Variants in MSH4 observed in about 807,000 individuals in gnomAD.
MSH4 encodes the protein mutS protein homolog 4.
MSH4 carries 106 observed loss-of-function variants against 113.7 expected under a neutral mutation model. The observed-to-expected ratio is 0.93, with a 90% CI of 0.80 to 1.10. MSH4 has a LOEUF of 1.10. Ranked by LOEUF, MSH4 falls within the 50% of genes least tolerant of loss-of-function variation. MSH4 has a pLI of 0.00. For synonymous variants in MSH4, 368 were observed against 380.2 expected, an observed-to-expected ratio of 0.97 and a Z score of 0.37; for missense variants, 1,061 against 1,093.7, an observed-to-expected ratio of 0.97 and a Z score of 0.42.
chr1:75,909,282 T>C (rs1161461046), intron 19 of MSH4, among the ~76,000 whole-genome samples: 1 of 152,102 alleles, frequency 6.6e-6, no homozygotes, highest in Non-Finnish European at 1.5e-5. Flanking sequence ...TAGAGAACTT[T>C]CTTTCTTTTT....
Position 75,879,010 on chromosome 1 carries a change from G to A in MSH4, c.1559G>A (p.Gly520Glu), listed in dbSNP as rs1319951871. ...TCACCAGGAATGATATCACAACTTGGAGAAAAATATAGTCTACCTTTAAGG... is the reference window on the plus strand; with the variant it reads ...TCACCAGGAATGATATCACAACTTGAAGAAAAATATAGTCTACCTTTAAGG... ...DDIAGMISQL[G>E]EKYSLPLRTS... Residue 520 changes from glycine to glutamate, a missense_variant, in exon 12 of 20, where the codon GGA (glycine) becomes GAA (glutamate). Transcript: ENST00000263187. 1 of 1,608,686 alleles carries A rather than the reference G, an allele frequency of 6.2e-7. No individual in the cohort carries two copies. The highest frequency in any genetic ancestry group is 2.2e-5 in the East Asian group (1 of 44,762).
At chr1:75,850,478 T>C (rs1011250210) in intron 8 of MSH4, among the ~76,000 whole-genome samples, 3 of 152,156 alleles carry the variant, frequency 2.0e-5, no homozygotes, top group Non-Finnish European at 2.9e-5. Flanking sequence ...TATCTTTTTG[T>C]TATTGGTTTC....
At chr1:75,813,291 A>G (rs553109264) in intron 4 of MSH4, among the ~76,000 whole-genome samples, 1 of 152,336 alleles carries the variant, frequency 6.6e-6, no homozygotes, top group South Asian at 2.1e-4. Context: ...ACAGAATACT[A>G]TGATAGCTAG....
At chr1:75,847,961 G>A (rs1384281392) in intron 7 of MSH4, among the ~76,000 whole-genome samples, 3 of 152,144 alleles carry the variant, frequency 2.0e-5, no homozygotes, top group Non-Finnish European at 4.4e-5. Flanking sequence ...GGTGGGGACA[G>A]GCAAATCATA....
chr1:75,823,269 T>C (rs1287402955), intron 7 of MSH4, among the ~76,000 whole-genome samples: 3 of 152,200 alleles, frequency 2.0e-5, no homozygotes, highest in African/African-American at 7.2e-5. Flanking sequence ...ATTAGCTTGA[T>C]TACATTTGCA....
At position 75,815,082 on chromosome 1, in the gene MSH4, T is replaced by C. The variant is rs1270863248; in HGVS notation, c.761T>C (p.Ile254Thr). Residue 254 changes from isoleucine to threonine, a missense_variant, in exon 5 of 20, where the codon ATT becomes ACT. Physicochemically the swap from Ile to Thr is moderately conservative, Grantham distance 89. Coordinates refer to ENST00000263187, the MANE Select transcript of MSH4 (RefSeq NM_002440.4). ...AATGAAACAAAAGGATTAGAGTACATTGAACAGTTATGCATAGCAGAATTC... is the reference window on the plus strand; with the variant it reads ...AATGAAACAAAAGGATTAGAGTACACTGAACAGTTATGCATAGCAGAATTC... ...YFNETKGLEYIEQLCIAEFST... is the reference protein window; with the variant it reads ...YFNETKGLEYTEQLCIAEFST... 1.9e-6 allele frequency: 3 copies of C among 1,607,814 alleles called. No homozygotes were observed. Among genetic ancestry groups the C allele is most frequent in the African/African-American group, 1.3e-5 (1 of 74,712 alleles).
chr1:75,908,061 C>A (rs1652707215), intron 19 of MSH4, among the ~76,000 whole-genome samples: 5 of 149,934 alleles, frequency 3.3e-5, no homozygotes, highest in African/African-American at 1.2e-4. Flanking sequence ...TGGAGAGCCT[C>A]TGTAGTTTTT....
chr1:75,877,018 G>T lies in MSH4; in HGVS notation c.1370+18G>T, dbSNP rs201828227. On this transcript the variant is annotated intron_variant, in intron 10 of 19. Transcript: ENST00000263187. Reference sequence around the variant, plus strand: ...GACAAGAGGTCTTTGTCACTCAACCGTTAATAAAAAATAAGATTATTCTCT... The same window carrying T: ...GACAAGAGGTCTTTGTCACTCAACCTTTAATAAAAAATAAGATTATTCTCT... 70 of 1,469,880 alleles carry T rather than the reference G, an allele frequency of 4.8e-5. 1 individual carries two copies. The South Asian group carries it at 9.3e-4, about 20-fold the overall frequency. The allele number at this position is 1,469,880 out of a possible 1,614,324, so 91.1% of individuals were successfully genotyped here.
rs1435256866 is a variant in MSH4, at chr1:75,902,707, A to G, written c.2619+3001A>G. 2.6e-3 allele frequency among the ~76,000 whole-genome samples: 115 copies of G among 44,518 alleles called. 5 individuals carry two copies. The highest frequency in any genetic ancestry group is 0.013 in the African/African-American group (109 of 8,194). 29.2% of individuals were successfully genotyped at this position (44,518 alleles called of 152,430 possible). On this transcript the variant is annotated intron_variant, in intron 19 of 19. Coordinates refer to ENST00000263187, the MANE Select transcript of MSH4 (RefSeq NM_002440.4). ...TATATATATATATATATATATATAT[A>G]TATATATATATATATATATATATAT...
intron 19 of MSH4, among the ~76,000 whole-genome samples, chr1:75,904,899 G>A (rs1200787875): frequency 6.6e-6 from 1 of 151,912 alleles, no homozygotes; most frequent in Non-Finnish European, 1.5e-5. Flanking sequence ...GTTTACAATA[G>A]TCTCTAATGA....
At chr1:75,812,130 T>G (rs1381309659) in intron 4 of MSH4, among the ~76,000 whole-genome samples, 2 of 152,194 alleles carry the variant, frequency 1.3e-5, no homozygotes, top group East Asian at 3.8e-4. Flanking sequence ...AGAAATCTAA[T>G]GTAAACTACC....
chr1:75,851,456 G>C lies in MSH4; in HGVS notation c.1230+3180G>C, dbSNP rs140082538. On this transcript the variant is annotated intron_variant, in intron 8 of 19. Coordinates refer to ENST00000263187, the MANE Select transcript of MSH4 (RefSeq NM_002440.4). ...GGACAGAGTCTTGCTCTGTCACCCA[G>C]GCTGGAGTGCAGTGGCGCCATCTCG... is the stretch of plus-strand genomic sequence containing the variant. Among the ~76,000 whole-genome samples, 1,073 of 152,102 alleles carry C rather than the reference G, an allele frequency of 7.1e-3. 11 individuals are homozygous for C. Among genetic ancestry groups the C allele is most frequent in the African/African-American group, 0.025 (1,019 of 41,504 alleles).
At chr1:75,819,210 G>C (rs1471903520) in intron 6 of MSH4, among the ~76,000 whole-genome samples, 2 of 152,126 alleles carry the variant, frequency 1.3e-5, no homozygotes, top group Non-Finnish European at 2.9e-5. Flanking sequence ...TATTGTCAAT[G>C]GCTAAGTGCG....
At chr1:75,865,742 C>G (rs572705578) in intron 8 of MSH4, among the ~76,000 whole-genome samples, 1 of 152,254 alleles carries the variant, frequency 6.6e-6, no homozygotes, top group South Asian at 2.1e-4. Context: ...TCATCAATTA[C>G]AAAATCTATA....
intron 7 of MSH4, among the ~76,000 whole-genome samples, chr1:75,823,307 C>A (rs1650472341): frequency 6.6e-6 from 1 of 152,204 alleles, no homozygotes; most frequent in Admixed American, 6.5e-5. Flanking sequence ...TAAGGTCACA[C>A]TAACAGATAC....
At chr1:75,860,624 G>A (rs1019899027) in intron 8 of MSH4, among the ~76,000 whole-genome samples, 15 of 152,168 alleles carry the variant, frequency 9.9e-5, no homozygotes, top group Admixed American at 4.6e-4. Context: ...GGTTTCTGCC[G>A]AGAGATCCGC....
rs545551255 is a variant in MSH4 at position 75,803,837 on chromosome 1, A to C, written c.351A>C (p.Thr117=). Residue 117 remains threonine (T), a synonymous_variant, in exon 2 of 20, where the codon ACA becomes ACC. Coordinates refer to ENST00000263187, the MANE Select transcript of MSH4 (RefSeq NM_002440.4). ...SSARDTNYPQ[T]LKTPLSTGNP... ...CACGAGATACTAATTATCCTCAAAC[A>C]CTTAAAACTCCATTGTCTACTGGAA... The C allele has an allele frequency of 1.2e-4, 196 of 1,602,256 alleles. 3 individuals are homozygous for C. The East Asian group carries it at 4.4e-3, about 36-fold the overall frequency.
chr1:75,851,763 C>T (rs532279243), intron 8 of MSH4, among the ~76,000 whole-genome samples: 7 of 152,270 alleles, frequency 4.6e-5, no homozygotes, highest in Non-Finnish European at 7.4e-5. Context: ...AAGAGCCTTG[C>T]ACTAGTATAC....
At chr1:75,850,553 C>A (rs1553135128) in intron 8 of MSH4, among the ~76,000 whole-genome samples, 1 of 151,884 alleles carries the variant, frequency 6.6e-6, no homozygotes, top group Non-Finnish European at 1.5e-5. Context: ...GCTTTATTGA[C>A]TTTTTTTATG....
Sources: allele counts gnomAD v4.1 joint callset (sites outside exome capture counted in the v4.1 genomes callset), GRCh38; gene constraint gnomAD v4.1.1; transcripts MANE v1.5; gene names NCBI Gene and HGNC (gene_info 2026-07-23, HGNC 2026-07-21).